NFIB: variants seen among roughly 807,000 people sequenced by gnomAD.
NFIB encodes the protein nuclear factor 1 B-type.
Under a neutral mutation model 61.5 loss-of-function variants are expected in NFIB, and 11 were observed. The observed-to-expected ratio is 0.18, with a 90% CI of 0.11 to 0.30. The LOEUF (loss-of-function observed/expected upper bound fraction) is 0.30. NFIB is among the 10% of genes least tolerant of loss of function. NFIB has a pLI of 1.00. For missense variants in NFIB, 471 were observed against 608.9 expected (o/e 0.77, Z 2.38); for synonymous variants, 260 against 216.5 (o/e 1.20, Z -1.76).
At chr9:14,514,439 C>G in the NFIB span, among the ~76,000 whole-genome samples, 3 of 151,908 alleles carry the variant, frequency 2.0e-5, no homozygotes, top group Non-Finnish European at 4.4e-5. Flanking sequence ...ATGGAATTAC[C>G]TAGGTACTAA....
chr9:14,155,799 A>G (rs1218729567), intron 4 of NFIB, 26 bp downstream of exon 4: 20 of 1,404,748 alleles, frequency 1.4e-5, no homozygotes, highest in Non-Finnish European at 1.8e-5. Context: ...CTGCATGCTT[A>G]AGTAGTAACA....
At chr9:14,481,187 G>C in the NFIB span, among the ~76,000 whole-genome samples, 1 of 39,776 alleles carries the variant, frequency 2.5e-5, no homozygotes, top group Admixed American at 3.9e-4. Context: ...GAGTGTGTGT[G>C]TGTGTGTGTG....
intron 2 of NFIB, among the ~76,000 whole-genome samples, chr9:14,293,598 C>A (rs547299427): frequency 6.6e-6 from 1 of 152,176 alleles, no homozygotes; most frequent in East Asian, 1.9e-4. Context: ...AACATAAGTG[C>A]GGAGTCTATC....
chr9:14,232,321 C>T (rs1355015347), intron 2 of NFIB, among the ~76,000 whole-genome samples: 4 of 152,258 alleles, frequency 2.6e-5, no homozygotes, highest in African/African-American at 7.2e-5. Context: ...ATTACGACCC[C>T]GTCACACTGG....
chr9:14,461,363 T>C, the NFIB span, among the ~76,000 whole-genome samples: 28 of 152,278 alleles, frequency 1.8e-4, no homozygotes, highest in African/African-American at 6.7e-4. Flanking sequence ...AAAAGAAAAG[T>C]AAACAGGACT....
chr9:14,373,818 C>T (rs1270093557), intron 1 of NFIB, among the ~76,000 whole-genome samples: 3 of 152,048 alleles, frequency 2.0e-5, no homozygotes, highest in African/African-American at 4.8e-5. Context: ...AAGGGCAGAT[C>T]CACATTCATT....
the NFIB span, among the ~76,000 whole-genome samples, chr9:14,513,576 C>T: frequency 1.4e-5 from 2 of 142,868 alleles, no homozygotes; most frequent in Admixed American, 7.5e-5. Flanking sequence ...TGCAGTGAGC[C>T]GAAATTGTGC....
the NFIB span, among the ~76,000 whole-genome samples, chr9:14,431,578 T>G: frequency 3.1e-4 from 47 of 152,264 alleles, no homozygotes; most frequent in Admixed American, 3.0e-3. Context: ...TTGTATATTA[T>G]TCTTTTAATT....
intron 2 of NFIB, among the ~76,000 whole-genome samples, chr9:14,291,038 T>C (rs1440738608): frequency 6.6e-6 from 1 of 152,132 alleles, no homozygotes; most frequent in Non-Finnish European, 1.5e-5. Context: ...AGAAATTAGC[T>C]ACTAGAAGTA....
At chr9:14,384,057 G>A (rs1348787931) in intron 1 of NFIB, among the ~76,000 whole-genome samples, 2 of 152,176 alleles carry the variant, frequency 1.3e-5, no homozygotes, top group Admixed American at 1.3e-4. Flanking sequence ...CACTTAGCCC[G>A]CTCTTGCTTC....
chr9:14,126,014 C>G (rs1261964694), intron 6 of NFIB, among the ~76,000 whole-genome samples: 1 of 152,188 alleles, frequency 6.6e-6, no homozygotes. Flanking sequence ...CTAAATAAAT[C>G]TTAAACTTCT....
chr9:14,122,061 G>A (rs539388191), intron 7 of NFIB, among the ~76,000 whole-genome samples: 4 of 151,422 alleles, frequency 2.6e-5, no homozygotes, highest in South Asian at 4.2e-4. Flanking sequence ...AATTATAAAC[G>A]ATAAATGTCT....
chr9:14,354,520 G>C (rs570686852), intron 1 of NFIB, among the ~76,000 whole-genome samples: 1 of 152,164 alleles, frequency 6.6e-6, no homozygotes, highest in Non-Finnish European at 1.5e-5. Flanking sequence ...TCTACAAATA[G>C]GTACAAAGAC....
chr9:14,526,623 C>T, the NFIB span, among the ~76,000 whole-genome samples: 1 of 152,166 alleles, frequency 6.6e-6, no homozygotes, highest in Admixed American at 6.5e-5. Flanking sequence ...CAGACTTTCT[C>T]ACCCCCTCAG....
the NFIB span, among the ~76,000 whole-genome samples, chr9:14,424,965 T>C: frequency 6.6e-6 from 1 of 152,074 alleles, no homozygotes; most frequent in South Asian, 2.1e-4. Context: ...ATTGATCAGC[T>C]CTGTTCCAAT....
chr9:14,278,614 T>C (rs2058165105), intron 2 of NFIB, among the ~76,000 whole-genome samples: 1 of 152,146 alleles, frequency 6.6e-6, no homozygotes, highest in Non-Finnish European at 1.5e-5. Flanking sequence ...GAGTAAAACA[T>C]GAACAATGAA....
chr9:14,243,070 G>C (rs1437576422), intron 2 of NFIB, among the ~76,000 whole-genome samples: 1 of 152,118 alleles, frequency 6.6e-6, no homozygotes, highest in Non-Finnish European at 1.5e-5. Flanking sequence ...CCCCCTGAAA[G>C]AAATCCAATA....
chr9:14,263,832 C>A lies in NFIB; in HGVS notation c.562+43157G>T, dbSNP rs1220038101. ...GGCGTAATCCGTGAAACCCAAATAT[C>A]AGGGTTTGTCCTCTGCATCTGGCAG... is the stretch of plus-strand genomic sequence containing the variant. On this transcript the variant is annotated intron_variant, in intron 2 of 10. Coordinates refer to ENST00000380953, the MANE Select transcript of NFIB (RefSeq NM_001190737.2). Among the ~76,000 whole-genome samples, 6 of 152,148 alleles carry A rather than the reference C, an allele frequency of 3.9e-5. No individual in the cohort carries two copies. The East Asian group carries it at 1.2e-3, about 29-fold the overall frequency.
At chr9:14,242,672 G>C (rs748849530) in intron 2 of NFIB, among the ~76,000 whole-genome samples, 12 of 152,270 alleles carry the variant, frequency 7.9e-5, no homozygotes, top group Non-Finnish European at 1.8e-4. Context: ...TTCTGTACCA[G>C]ATTTCTTCTT....
Sources: allele counts gnomAD v4.1 joint callset (sites outside exome capture counted in the v4.1 genomes callset), GRCh38; gene constraint gnomAD v4.1.1; transcripts MANE v1.5; gene names NCBI Gene and HGNC (gene_info 2026-07-23, HGNC 2026-07-21).